Variants in NUCKS1 observed in about 807,000 individuals in gnomAD.
NUCKS1 encodes nuclear ubiquitous casein and cyclin-dependent kinase substrate 1.
NUCKS1 carries 2 observed loss-of-function variants against 33.0 expected under a neutral mutation model. The observed-to-expected ratio is 0.06, with a 90% CI of 0.02 to 0.19. NUCKS1 has a LOEUF of 0.19. Ranked by LOEUF, NUCKS1 falls within the 10% of genes least tolerant of loss-of-function variation. The probability of loss-of-function intolerance (pLI) is 1.00; values close to 1 mark genes in which losing one functional copy is unlikely to be tolerated. For missense variants in NUCKS1, 201 were observed against 293.6 expected, an observed-to-expected ratio of 0.68 and a Z score of 2.31; for synonymous variants, 106 against 102.8, an observed-to-expected ratio of 1.03 and a Z score of -0.19.
At chr1:205,731,628 A>T (rs1653913355) in intron 1 of NUCKS1, among the ~76,000 whole-genome samples, 1 of 152,224 alleles carries the variant, frequency 6.6e-6, no homozygotes. Flanking sequence ...GCAGTGGCTC[A>T]CGCCTATAAT....
chr1:205,730,350 A>C (rs1653878315), intron 1 of NUCKS1, among the ~76,000 whole-genome samples: 1 of 151,946 alleles, frequency 6.6e-6, no homozygotes, highest in African/African-American at 2.4e-5. Flanking sequence ...CCCAGCCAAA[A>C]ATTATTTTTT....
rs1671788333 is a variant in NUCKS1 at position 205,714,278 on chromosome 1, AT to A, written c.*4001del. The A allele has an allele frequency of 6.6e-6, 1 of 152,066 alleles. No homozygotes were observed. The highest frequency in any genetic ancestry group is 2.1e-4 in the South Asian group (1 of 4,826). The allele number at this position is 152,066 out of a possible 1,614,324, so 9.4% of individuals were successfully genotyped here. A position where few individuals can be genotyped will look rare whatever the true frequency, so the allele number is the denominator to read the frequency against. ...CCATCAAAAAAGGAACAACAAAAAAATCCCAATTTTACCCTCCCCCAATAAT... is the reference window on the plus strand; with the variant it reads ...CCATCAAAAAAGGAACAACAAAAAAACCCAATTTTACCCTCCCCCAATAAT... On this transcript the variant is annotated 3_prime_UTR_variant, in exon 7 of 7. Transcript: ENST00000367142.
intron 1 of NUCKS1, 35 bp downstream of exon 1, chr1:205,749,922 T>A: frequency 5.4e-6 from 8 of 1,476,272 alleles, no homozygotes; most frequent in Non-Finnish European, 6.4e-6. Flanking sequence ...CCCATCCCCC[T>A]CCAACCCGCT....
intron 1 of NUCKS1, among the ~76,000 whole-genome samples, chr1:205,746,329 T>C (rs886840160): frequency 6.6e-6 from 1 of 152,176 alleles, no homozygotes; most frequent in African/African-American, 2.4e-5. Context: ...TATTCAGGCA[T>C]TGTAAATTAT....
chr1:205,735,372 T>G (rs1157041249), intron 1 of NUCKS1, among the ~76,000 whole-genome samples: 1 of 152,222 alleles, frequency 6.6e-6, no homozygotes, highest in Non-Finnish European at 1.5e-5. Flanking sequence ...TGCAGGAGAC[T>G]ACACCATCTG....
intron 1 of NUCKS1, among the ~76,000 whole-genome samples, chr1:205,731,062 C>T (rs1256736689): frequency 6.6e-6 from 1 of 152,084 alleles, no homozygotes; most frequent in Non-Finnish European, 1.5e-5. Flanking sequence ...TAATGTTAAG[C>T]TTTATACAGA....
chr1:205,743,342 C>G (rs529777725), intron 1 of NUCKS1, among the ~76,000 whole-genome samples: 1 of 152,328 alleles, frequency 6.6e-6, no homozygotes, highest in East Asian at 1.9e-4. Flanking sequence ...AGTTCAACAT[C>G]TCCACTATAT....
At position 205,714,822 on chromosome 1, in the gene NUCKS1, A is replaced by G. The variant is rs1338711449; in HGVS notation, c.*3458T>C. The G allele has an allele frequency of 6.6e-6, 1 of 152,166 alleles. No individual in the cohort carries two copies. The allele number at this position is 152,166 out of a possible 1,614,324, so 9.4% of individuals were successfully genotyped here. A position where few individuals can be genotyped will look rare whatever the true frequency, so the allele number is the denominator to read the frequency against. On this transcript the variant is annotated 3_prime_UTR_variant, in exon 7 of 7. Transcript: ENST00000367142. ...CCAGAGCCCAGGTTTCTTCCTTTTC[A>G]AATTCTTAAGGTGAAAGTTTTTTCC...
intron 6 of NUCKS1, among the ~76,000 whole-genome samples, chr1:205,719,200 T>C (rs1367631909): frequency 6.6e-6 from 1 of 152,226 alleles, no homozygotes; most frequent in Non-Finnish European, 1.5e-5. Flanking sequence ...GAGACTGTGA[T>C]ACCAGTGAGG....
chr1:205,748,464 G>T (rs971692547), intron 1 of NUCKS1, among the ~76,000 whole-genome samples: 2 of 152,180 alleles, frequency 1.3e-5, no homozygotes, highest in Non-Finnish European at 2.9e-5. Flanking sequence ...TGGATACATT[G>T]GTCAAGTTTT....
At chr1:205,730,328 C>G (rs889189016) in intron 1 of NUCKS1, among the ~76,000 whole-genome samples, 2 of 150,386 alleles carry the variant, frequency 1.3e-5, no homozygotes, top group African/African-American at 4.9e-5. Flanking sequence ...ATTACAGGCA[C>G]GAGCCACTGC....
At chr1:205,749,522 A>G (rs897503272) in intron 1 of NUCKS1, among the ~76,000 whole-genome samples, 1 of 151,808 alleles carries the variant, frequency 6.6e-6, no homozygotes, top group Non-Finnish European at 1.5e-5. Flanking sequence ...AAGGGGCAAT[A>G]CGGGTGCCTC....
At position 205,716,597 on chromosome 1, in the gene NUCKS1, CTG is replaced by C. The variant is rs1671826028; in HGVS notation, c.*1681_*1682del. On this transcript the variant is annotated 3_prime_UTR_variant, in exon 7 of 7. Coordinates refer to ENST00000367142, the MANE Select transcript of NUCKS1 (RefSeq NM_022731.5). ...GTGCAATAGTGAAATGACTCTGCCA[CTG>C]TGTGTTTTTTAAAAAAAGATCAGAG... is the stretch of plus-strand genomic sequence containing the variant. 2 of 152,228 alleles carry C rather than the reference CTG, an allele frequency of 1.3e-5. No homozygotes were observed. Among genetic ancestry groups the C allele is most frequent in the South Asian group, 2.1e-4 (1 of 4,818 alleles). The allele number at this position is 152,228 out of a possible 1,614,324, so 9.4% of individuals were successfully genotyped here.
chr1:205,727,774 G>A lies in NUCKS1; in HGVS notation c.99C>T (p.Pro33=). 6.2e-7 allele frequency: 1 copy of A among 1,612,928 alleles called. No individual in the cohort carries two copies. The highest frequency in any genetic ancestry group is 2.2e-5 in the East Asian group (1 of 44,808). ...GGGGAGATGATCGAATTTTCTTAGT[G>A]GGAGGGCCCGAATCTCTTCCATAAT... is the stretch of plus-strand genomic sequence containing the variant. ...DEDYGRDSGP[P]TKKIRSSPRE... The change falls in exon 3 of 7, where the codon CCC becomes CCT. Residue 33 remains proline (P), a synonymous_variant. Coordinates refer to ENST00000367142, the MANE Select transcript of NUCKS1 (RefSeq NM_022731.5).
chr1:205,730,778 C>T (rs934327325), intron 1 of NUCKS1, among the ~76,000 whole-genome samples: 28 of 152,090 alleles, frequency 1.8e-4, no homozygotes, highest in African/African-American at 6.7e-4. Flanking sequence ...CCACCGTGCC[C>T]GGTCTCAAAT....
intron 3 of NUCKS1, among the ~76,000 whole-genome samples, chr1:205,725,533 A>C (rs573283743): frequency 1.3e-5 from 2 of 152,218 alleles, no homozygotes; most frequent in Non-Finnish European, 2.9e-5. Context: ...CAAAATAAGC[A>C]CCAAATTCAT....
intron 1 of NUCKS1, among the ~76,000 whole-genome samples, chr1:205,745,515 A>AT (rs2102450127): frequency 6.6e-6 from 1 of 152,276 alleles, no homozygotes; most frequent in African/African-American, 2.4e-5. Flanking sequence ...TCTGAAAATT[A>AT]TTTTAAATAT....
At chr1:205,729,274 C>T (rs990009115) in intron 2 of NUCKS1, among the ~76,000 whole-genome samples, 25 of 152,124 alleles carry the variant, frequency 1.6e-4, no homozygotes, top group African/African-American at 4.8e-4. Context: ...TGGCTGACAG[C>T]AGGAGATATT....
intron 1 of NUCKS1, among the ~76,000 whole-genome samples, chr1:205,739,419 A>AT (rs1489503554): frequency 1.3e-5 from 2 of 152,144 alleles, no homozygotes; most frequent in Non-Finnish European, 2.9e-5. Context: ...CACATGCAAG[A>AT]TTTTCTCAAC....
Sources: allele counts gnomAD v4.1 joint callset (sites outside exome capture counted in the v4.1 genomes callset), GRCh38; gene constraint gnomAD v4.1.1; transcripts MANE v1.5; gene names NCBI Gene and HGNC (gene_info 2026-07-23, HGNC 2026-07-21).